The following PFKFB3 variants were observed in gnomAD, a reference collection of about 807,000 sequenced individuals.
PFKFB3 encodes 6-phosphofructo-2-kinase/fructose-2,6-bisphosphatase 3.
Under a neutral mutation model 68.0 loss-of-function variants are expected in PFKFB3, and 33 were observed. That is an observed-to-expected ratio of 0.49 (90% CI 0.37 to 0.65). PFKFB3 has a LOEUF of 0.65. Among genes scored for constraint, PFKFB3 ranks in the 30% least tolerant of loss-of-function variants. The probability of loss-of-function intolerance (pLI) is 0.00; values close to 1 mark genes in which losing one functional copy is unlikely to be tolerated. For synonymous variants in PFKFB3, 315 were observed against 288.2 expected (o/e 1.09, Z -0.94); for missense variants, 586 against 712.2 (o/e 0.82, Z 2.02).
At chr10:6,297,063 T>A in the PFKFB3 span, among the ~76,000 whole-genome samples, 1 of 152,166 alleles carries the variant, frequency 6.6e-6, no homozygotes, top group Non-Finnish European at 1.5e-5. Context: ...AGCAGCACAA[T>A]CTTGAGGTAG....
At chr10:6,182,885 C>T (rs1218812158) in intron 1 of PFKFB3, among the ~76,000 whole-genome samples, 1 of 152,222 alleles carries the variant, frequency 6.6e-6, no homozygotes, top group South Asian at 2.1e-4. Flanking sequence ...TTCCCAGCCC[C>T]CCAGGGTCTT....
At chr10:6,190,642 A>G (rs1025450338) in intron 1 of PFKFB3, among the ~76,000 whole-genome samples, 3 of 152,188 alleles carry the variant, frequency 2.0e-5, no homozygotes, top group Non-Finnish European at 4.4e-5. Context: ...TCCCTACAAA[A>G]AAACAAAAAC....
intron 1 of PFKFB3, among the ~76,000 whole-genome samples, chr10:6,173,787 C>G (rs1051945233): frequency 3.3e-5 from 5 of 151,928 alleles, no homozygotes; most frequent in African/African-American, 1.2e-4. Context: ...TTCCGTGAAG[C>G]CTAAGGAGGT....
At chr10:6,156,684 C>T (rs770248942) in intron 1 of PFKFB3, among the ~76,000 whole-genome samples, 8 of 150,394 alleles carry the variant, frequency 5.3e-5, no homozygotes, top group South Asian at 2.1e-4. Flanking sequence ...GATGGGGTTT[C>T]GCCATGTTGG....
chr10:6,204,065 G>C (rs1843523759), intron 1 of PFKFB3, among the ~76,000 whole-genome samples: 1 of 151,776 alleles, frequency 6.6e-6, no homozygotes, highest in Non-Finnish European at 1.5e-5. Context: ...CGCGCCCCGG[G>C]CGCACGCACC....
Position 6,154,604 on chromosome 10 carries a change from G to A in PFKFB3, c.16+9591G>A, listed in dbSNP as rs1841708988. Among the ~76,000 whole-genome samples, 7 of 152,174 alleles carry A rather than the reference G, an allele frequency of 4.6e-5. No homozygotes were observed. Among genetic ancestry groups the A allele is most frequent in the African/African-American group, 1.7e-4 (7 of 41,434 alleles). On this transcript the variant is annotated intron_variant, in intron 1 of 14. Transcript: ENST00000379789. The surrounding 1 kb of genome is among the most constrained non-coding windows in gnomAD (Gnocchi z 4.6). ...CCGCCACGGGTGGCTACTATCCTGAGAGCAGACTGTGGGGTGGCGGGGGAG... is the reference window on the plus strand; with the variant it reads ...CCGCCACGGGTGGCTACTATCCTGAAAGCAGACTGTGGGGTGGCGGGGGAG...
At chr10:6,206,517 C>T (rs1220571531) in intron 1 of PFKFB3, among the ~76,000 whole-genome samples, 2 of 133,914 alleles carry the variant, frequency 1.5e-5, no homozygotes, top group South Asian at 4.7e-4. Context: ...CCTCACTTCC[C>T]AGTAGGGGCG....
In PFKFB3 at chr10:6,228,832, G is replaced by A. The variant is rs1235573398; in HGVS notation, c.1515+2467G>A. ...GCTCAGCGTCATAGTCACGCCCGGG[G>A]CTGGGTGCAGCCTCCATCTCTAACC... On this transcript the variant is annotated intron_variant, in intron 14 of 14. Coordinates refer to ENST00000379775, the MANE Select transcript of PFKFB3 (RefSeq NM_004566.4). The surrounding 1 kb of genome is among the most constrained non-coding windows in gnomAD (Gnocchi z 4.5). Among the ~76,000 whole-genome samples, 6 of 152,138 alleles carry A rather than the reference G, an allele frequency of 3.9e-5. No individual in the cohort carries two copies. Among genetic ancestry groups the A allele is most frequent in the Non-Finnish European group, 5.9e-5 (4 of 68,022 alleles).
At position 6,228,254 on chromosome 10, in the gene PFKFB3, T is replaced by C. The variant is rs1176679654; in HGVS notation, c.1515+1889T>C. 6.2e-7 allele frequency: 1 copy of C among 1,611,700 alleles called. No homozygotes were observed. The highest frequency in any genetic ancestry group is 1.7e-5 in the Admixed American group (1 of 60,022). The stretch of plus-strand genomic sequence containing the variant: ...CTCCGATCATCGCTGCTGCTTGCAC[T>C]GCTTTCTTCCTGCTTGCTCATTTGG... On this transcript the variant is annotated intron_variant, in intron 14 of 14. Transcript: ENST00000379775. The surrounding 1 kb of genome is among the most constrained non-coding windows in gnomAD (Gnocchi z 4.5).
the PFKFB3 span, among the ~76,000 whole-genome samples, chr10:6,276,925 T>C: frequency 6.6e-6 from 1 of 151,810 alleles, no homozygotes; most frequent in African/African-American, 2.4e-5. Flanking sequence ...CAAATCAAGA[T>C]ATATCTTGAT....
chr10:6,227,060 T>G (rs573037387), intron 14 of PFKFB3, among the ~76,000 whole-genome samples: 44 of 151,718 alleles, frequency 2.9e-4, no homozygotes, highest in African/African-American at 9.4e-4. Flanking sequence ...CACTCCAGCC[T>G]GGGTGACAGA....
chr10:6,221,881 C>G (rs987003456), intron 10 of PFKFB3, 136 bp downstream of exon 10: 6 of 622,370 alleles, frequency 9.6e-6, no homozygotes, highest in Non-Finnish European at 1.4e-5. Flanking sequence ...GGAACTGAGT[C>G]CCCCCAAACT....
downstream of PFKFB3, among the ~76,000 whole-genome samples, chr10:6,240,321 G>A (rs1199963405): frequency 6.6e-6 from 1 of 152,102 alleles, no homozygotes; most frequent in Non-Finnish European, 1.5e-5. Flanking sequence ...CTGGACTGCG[G>A]TGGCACTATC....
the PFKFB3 span, among the ~76,000 whole-genome samples, chr10:6,319,147 A>G: frequency 6.6e-6 from 1 of 152,198 alleles, no homozygotes; most frequent in East Asian, 1.9e-4. Context: ...TTGATCACCA[A>G]TCCTGCTATG....
At chr10:6,155,189 A>G (rs982697667) in intron 1 of PFKFB3, among the ~76,000 whole-genome samples, 12 of 147,732 alleles carry the variant, frequency 8.1e-5, no homozygotes, top group Admixed American at 3.5e-4. Context: ...GGAGAAAAGC[A>G]CTTACGAGTT....
At chr10:6,221,975 G>A (rs1051049005) in intron 10 of PFKFB3, among the ~76,000 whole-genome samples, 1 of 152,210 alleles carries the variant, frequency 6.6e-6, no homozygotes, top group Non-Finnish European at 1.5e-5. Context: ...GAACTATATG[G>A]GAGAGGAGGA....
chr10:6,146,452 C>T, intron 1 of PFKFB3: 3 of 1,535,594 alleles, frequency 2.0e-6, no homozygotes, highest in Non-Finnish European at 2.6e-6. Context: ...CAGCTGGACA[C>T]GTTTAGTCCC....
chr10:6,213,570 C>T (rs1000676751), intron 1 of PFKFB3, 53 bp from the exon 2 acceptor site: 56 of 1,577,770 alleles, frequency 3.5e-5, no homozygotes, highest in Non-Finnish European at 4.6e-5. Context: ...GGCCTCTGCT[C>T]CTCTTCTCCG....
At chr10:6,146,131 TGG>T in intron 1 of PFKFB3, 1 of 670,076 alleles carries the variant, frequency 1.5e-6, no homozygotes, top group Non-Finnish European at 1.8e-6. Context: ...CGTTGAGGAC[TGG>T]GGGTGTGTGT....
Sources: gnomAD v4.1 joint callset for allele counts (sites outside exome capture counted in the v4.1 genomes callset) on GRCh38, gnomAD v4.1.1 for gene constraint, Gnocchi (gnomAD v3.1) non-coding constraint, MANE v1.5 for transcripts, NCBI Gene and HGNC (gene_info 2026-07-23, HGNC 2026-07-21) for gene names.